Variants in SPTA1 observed in about 807,000 individuals in gnomAD.
SPTA1 encodes the protein spectrin alpha chain, erythrocytic 1.
In SPTA1, 177 loss-of-function variants were observed where a neutral mutation model predicts 324.7. That is an observed-to-expected ratio of 0.55 (90% CI 0.48 to 0.62). The LOEUF (loss-of-function observed/expected upper bound fraction) is 0.62, where lower values mean the gene tolerates loss of function less well. Ranked by LOEUF, SPTA1 falls within the 20% of genes least tolerant of loss-of-function variation. The pLI is 0.00. For synonymous variants in SPTA1, 1,195 were observed against 1,041.3 expected (o/e 1.15, Z -2.84); for missense variants, 3,162 against 2,883.6 (o/e 1.10, Z -2.21).
At chr1:158,654,507 A>G in intron 21 of SPTA1, 104 bp downstream of exon 21, 2 of 1,480,918 alleles carry the variant, frequency 1.4e-6, no homozygotes, top group Non-Finnish European at 1.8e-6. Context: ...AAATAAAATA[A>G]TAAAATAAAT....
chr1:158,646,907 T>C (rs1423900250), intron 27 of SPTA1, among the ~76,000 whole-genome samples: 2 of 152,160 alleles, frequency 1.3e-5, no homozygotes, highest in African/African-American at 4.8e-5. Context: ...GAGAGGTGAA[T>C]TTTGGATTGT....
intron 40 of SPTA1, 73 bp from the exon 41 acceptor site, chr1:158,627,080 A>G: frequency 6.3e-7 from 1 of 1,575,470 alleles, no homozygotes; most frequent in Non-Finnish European, 8.7e-7. Context: ...GTACCAATAG[A>G]AAGCACTCAT....
chr1:158,645,045 A>G (rs1441448078), intron 29 of SPTA1, 143 bp downstream of exon 29: 1 of 872,458 alleles, frequency 1.1e-6, no homozygotes, highest in Non-Finnish European at 1.9e-6. Flanking sequence ...AAAGCATAGT[A>G]CAATGCTAGG....
At chr1:158,653,608 C>G (rs1169746909) in intron 21 of SPTA1, among the ~76,000 whole-genome samples, 183 bp from the exon 22 acceptor site, 1 of 152,204 alleles carries the variant, frequency 6.6e-6, no homozygotes, top group Non-Finnish European at 1.5e-5. Context: ...ATTGCATAGA[C>G]AAGCCCCTGA....
intron 5 of SPTA1, among the ~76,000 whole-genome samples, chr1:158,679,450 CTA>C (rs1654637377): frequency 6.6e-6 from 1 of 152,096 alleles, no homozygotes; most frequent in South Asian, 2.1e-4. Flanking sequence ...AAGTAATTTT[CTA>C]TGAGTTCCAG....
At chr1:158,682,573 A>G (rs1654887592) in intron 3 of SPTA1, among the ~76,000 whole-genome samples, 1 of 152,168 alleles carries the variant, frequency 6.6e-6, no homozygotes, top group Non-Finnish European at 1.5e-5. Flanking sequence ...TATTTTGATG[A>G]CAGAATGGGC....
intron 27 of SPTA1, among the ~76,000 whole-genome samples, chr1:158,646,845 T>G (rs1652030148): frequency 6.6e-6 from 1 of 152,194 alleles, no homozygotes; most frequent in African/African-American, 2.4e-5. Context: ...TCCTCTCAGC[T>G]GACTGATGCG....
chr1:158,657,712 A>G lies in SPTA1; in HGVS notation c.2588-18T>C. The G allele has an allele frequency of 6.2e-7, 1 of 1,612,430 alleles. No individual in the cohort carries two copies. Among genetic ancestry groups the G allele is most frequent in the Non-Finnish European group, 8.5e-7 (1 of 1,178,558 alleles). On this transcript the variant is annotated intron_variant, in intron 18 of 51. Coordinates refer to ENST00000643759, the MANE Select transcript of SPTA1 (RefSeq NM_003126.4). Reference sequence around the variant, plus strand: ...AAAGTGTCCTATGGAGTAATTATAGAAAAGGTGAGTATGATCCTCATGAGT... The same window carrying G: ...AAAGTGTCCTATGGAGTAATTATAGGAAAGGTGAGTATGATCCTCATGAGT...
At chr1:158,684,544 C>T (rs776360780) in intron 2 of SPTA1, among the ~76,000 whole-genome samples, 12 of 151,986 alleles carry the variant, frequency 7.9e-5, no homozygotes, top group Non-Finnish European at 1.3e-4. Context: ...AATAACACCC[C>T]GATGTTTATG....
chr1:158,683,364 C>G lies in SPTA1; in HGVS notation c.390+7G>C. 1 of 1,613,120 alleles carries G rather than the reference C, an allele frequency of 6.2e-7. No individual in the cohort carries two copies. Among genetic ancestry groups the G allele is most frequent in the African/African-American group, 1.3e-5 (1 of 74,966 alleles). ...TTGGAAACTTCTTCAAGGGCCCATA[C>G]ATATACCTTCGTTTCTTCGTGGGCA... On this transcript the variant is annotated splice_region_variant and intron_variant, in intron 3 of 51. Coordinates refer to ENST00000643759, the MANE Select transcript of SPTA1 (RefSeq NM_003126.4).
intron 45 of SPTA1, 37 bp from the exon 46 acceptor site, chr1:158,618,093 GA>G: frequency 1.3e-6 from 2 of 1,592,260 alleles, no homozygotes; most frequent in South Asian, 1.1e-5. Flanking sequence ...TCACATGAGA[GA>G]AAAGGGAGAT....
At chr1:158,666,583 C>T (rs1653620447) in intron 15 of SPTA1, 86 bp from the exon 16 acceptor site, 1 of 1,175,236 alleles carries the variant, frequency 8.5e-7, no homozygotes, top group Admixed American at 1.9e-5. Flanking sequence ...ATTGAAGGAT[C>T]AATATAGTAT....
rs577054532 is a variant in SPTA1 at position 158,613,609 on chromosome 1, C to A, written c.6989+112G>T. ...CTAATTCATTTATGGTTGCCTATTT[C>A]TTCCTATTTTCAGATGAGTTAATTT... On this transcript the variant is annotated intron_variant, in intron 50 of 51. Coordinates refer to ENST00000643759, the MANE Select transcript of SPTA1 (RefSeq NM_003126.4). The A allele has an allele frequency of 1.7e-5, 26 of 1,500,488 alleles. No individual in the cohort carries two copies. In the African/African-American group the frequency reaches 3.2e-4, roughly 18 times the overall value. The allele number at this position is 1,500,488 out of a possible 1,614,324, so 92.9% of individuals were successfully genotyped here.
intron 15 of SPTA1, among the ~76,000 whole-genome samples, chr1:158,667,389 G>A (rs996287682): frequency 2.0e-5 from 3 of 152,082 alleles, no homozygotes; most frequent in African/African-American, 7.2e-5. Context: ...TTTCAAATAG[G>A]TTTAAAAAGA....
At chr1:158,659,127 TTGACTA>T in intron 18 of SPTA1, among the ~76,000 whole-genome samples, 1 of 152,028 alleles carries the variant, frequency 6.6e-6, no homozygotes, top group East Asian at 1.9e-4. Flanking sequence ...TCAAAACCAG[TTGACTA>T]CCAAAGCAAA....
intron 21 of SPTA1, 132 bp downstream of exon 21, chr1:158,654,479 C>A (rs1652684015): frequency 1.6e-6 from 2 of 1,254,758 alleles, no homozygotes; most frequent in Non-Finnish European, 2.2e-6. Flanking sequence ...ACTACCTAAT[C>A]AGTTATAGTT....
chr1:158,683,442 G>T lies in SPTA1; in HGVS notation c.319C>A (p.Leu107Ile), dbSNP rs572059809. ...CTTGTTTTTTCCAGTTCAGACATGAGTCTTGATTTTGTTTGCACCTCTGCT... is the reference window on the plus strand; with the variant it reads ...CTTGTTTTTTCCAGTTCAGACATGATTCTTGATTTTGTTTGCACCTCTGCT... ...LEAEVQTKSR[L>I]MSELEKTREE... Residue 107 changes from leucine (L) to isoleucine (I), a missense_variant, in exon 3 of 52, where the codon CTC becomes ATC. Coordinates refer to ENST00000643759, the MANE Select transcript of SPTA1 (RefSeq NM_003126.4). 1.2e-6 allele frequency: 2 copies of T among 1,613,340 alleles called. No homozygotes were observed. The highest frequency in any genetic ancestry group is 3.3e-5 in the Admixed American group (2 of 59,926).
intron 19 of SPTA1, among the ~76,000 whole-genome samples, chr1:158,657,203 G>A (rs1022935031): frequency 1.3e-5 from 2 of 152,088 alleles, no homozygotes; most frequent in African/African-American, 4.8e-5. Context: ...GTTTAGGATC[G>A]GATTATGACT....
chr1:158,617,086 C>T (rs892178540), intron 47 of SPTA1, among the ~76,000 whole-genome samples: 2 of 152,112 alleles, frequency 1.3e-5, no homozygotes, highest in Non-Finnish European at 2.9e-5. Context: ...CCCATTACTT[C>T]GCTCAGTTGT....
Sources: gnomAD v4.1 joint callset for allele counts (sites outside exome capture counted in the v4.1 genomes callset) on GRCh38, gnomAD v4.1.1 for gene constraint, MANE v1.5 for transcripts, NCBI Gene and HGNC (gene_info 2026-07-23, HGNC 2026-07-21) for gene names.